ADAM20: variants seen among roughly 807,000 people sequenced by gnomAD.
ADAM20 encodes the protein disintegrin and metalloproteinase domain-containing protein 20.
For synonymous variants in ADAM20, 305 were observed against 310.2 expected (o/e 0.98, Z 0.18); for missense variants, 871 against 883.2 (o/e 0.99, Z 0.18).
the ADAM20 span, among the ~76,000 whole-genome samples, chr14:70,572,651 C>G: frequency 2.0e-5 from 3 of 152,054 alleles, no homozygotes; most frequent in African/African-American, 7.2e-5. Context: ...AGTTTCAACA[C>G]AGTAAACAGC....
the ADAM20 span, among the ~76,000 whole-genome samples, chr14:70,569,362 C>T: frequency 6.6e-6 from 1 of 152,122 alleles, no homozygotes; most frequent in Non-Finnish European, 1.5e-5. Context: ...AACAATTACA[C>T]AATTGAGACT....
chr14:70,523,422 C>T lies in ADAM20; in HGVS notation c.1336G>A (p.Ala446Thr), dbSNP rs1566654996. ...TTGCAACATATTCCAAAAGCACAAG[C>T]AGCCCCAGGATGTAGAGTACAGTTT... is the stretch of plus-strand genomic sequence containing the variant. ...LLNCTLHPGA[A>T]CAFGICCKDC... Residue 446 changes from alanine to threonine, a missense_variant, in exon 2 of 2, where the codon GCT becomes ACT. Ala to Thr is a moderately conservative substitution (Grantham distance 58). Transcript: ENST00000256389. The T allele has an allele frequency of 6.8e-6, 11 of 1,614,054 alleles. No individual in the cohort carries two copies. Among genetic ancestry groups the T allele is most frequent in the Non-Finnish European group, 9.3e-6 (11 of 1,179,964 alleles).
the ADAM20 span, among the ~76,000 whole-genome samples, chr14:70,544,677 T>C: frequency 6.6e-6 from 1 of 152,088 alleles, no homozygotes; most frequent in African/African-American, 2.4e-5. Context: ...AATTTCAAAA[T>C]AGCTAGAAAT....
the ADAM20 span, among the ~76,000 whole-genome samples, chr14:70,573,911 C>T: frequency 1.3e-5 from 2 of 152,092 alleles, no homozygotes; most frequent in Non-Finnish European, 2.9e-5. Flanking sequence ...AAAGTAGATA[C>T]CAATACAATA....
chr14:70,558,928 G>GTT, the ADAM20 span, among the ~76,000 whole-genome samples: 2 of 152,008 alleles, frequency 1.3e-5, no homozygotes, highest in African/African-American at 4.8e-5. Context: ...AACACTAAGT[G>GTT]TTGTTAGAGT....
the ADAM20 span, among the ~76,000 whole-genome samples, chr14:70,563,937 C>A: frequency 6.6e-6 from 1 of 152,204 alleles, no homozygotes; most frequent in African/African-American, 2.4e-5. Context: ...ATACAAAGAG[C>A]AAACTTAATT....
At chr14:70,579,000 T>C in the ADAM20 span, among the ~76,000 whole-genome samples, 1 of 152,174 alleles carries the variant, frequency 6.6e-6, no homozygotes, top group Admixed American at 6.5e-5. Flanking sequence ...GCTTTCATGT[T>C]GCTGCAAAGG....
chr14:70,564,271 G>C, the ADAM20 span, among the ~76,000 whole-genome samples: 1 of 152,184 alleles, frequency 6.6e-6, no homozygotes, highest in Admixed American at 6.5e-5. Context: ...AAAACAAACT[G>C]AGCTTTGTCC....
the ADAM20 span, among the ~76,000 whole-genome samples, chr14:70,558,025 A>C: frequency 1.3e-5 from 2 of 152,234 alleles, no homozygotes; most frequent in Admixed American, 1.3e-4. Flanking sequence ...GAAATCCTGG[A>C]ATGTGTTCCA....
At chr14:70,570,112 C>A in the ADAM20 span, among the ~76,000 whole-genome samples, 2 of 151,178 alleles carry the variant, frequency 1.3e-5, no homozygotes, top group African/African-American at 4.9e-5. Flanking sequence ...TCTTCTTGGA[C>A]AATACACCCA....
chr14:70,557,750 CAT>C, the ADAM20 span, among the ~76,000 whole-genome samples: 1 of 134,424 alleles, frequency 7.4e-6, no homozygotes. Context: ...TTTCTTAAAA[CAT>C]TTTTTTTTTT....
At chr14:70,566,192 G>A in the ADAM20 span, among the ~76,000 whole-genome samples, 34 of 152,286 alleles carry the variant, frequency 2.2e-4, no homozygotes, top group East Asian at 6.6e-3. Flanking sequence ...TGTAAAGTAT[G>A]TAAGTCACTT....
At position 70,522,626 on chromosome 14, in the gene ADAM20, T is replaced by C. The variant is rs778464321; in HGVS notation, c.2132A>G (p.His711Arg). ...TTTTGTGCGTTTCTTAAAAAGCACA[T>C]GTAAGCAAAATAATAAAAAAGCAAC... ...PLVAFLLFCL[H>R]VLFKKRTKSK... is the part of the protein sequence containing the mutation. The change falls in exon 2 of 2, where the codon CAT (histidine) becomes CGT (arginine). Residue 711 changes from histidine to arginine, a missense_variant. His to Arg is a conservative substitution (Grantham distance 29). Coordinates refer to ENST00000256389, the MANE Select transcript of ADAM20 (RefSeq NM_003814.5). The C allele has an allele frequency of 2.5e-6, 4 of 1,613,644 alleles. No individual in the cohort carries two copies. In the East Asian group the frequency reaches 6.7e-5, roughly 27 times the overall value.
chr14:70,577,183 TTAC>T, the ADAM20 span, among the ~76,000 whole-genome samples: 1 of 152,170 alleles, frequency 6.6e-6, no homozygotes, highest in African/African-American at 2.4e-5. Flanking sequence ...AAAGAGAATA[TTAC>T]AGGCTAATCT....
In ADAM20 at chr14:70,524,125, C is replaced by T. The variant is rs1393894425; in HGVS notation, c.633G>A (p.Leu211=). The T allele has an allele frequency of 1.2e-6, 2 of 1,613,856 alleles. No homozygotes were observed. The highest frequency in any genetic ancestry group is 1.7e-5 in the Admixed American group (1 of 59,952). Residue 211 remains leucine (L), a synonymous_variant, in exon 2 of 2, where the codon CTG becomes CTA. Transcript: ENST00000256389. The stretch of plus-strand genomic sequence containing the variant: ...ATCTAATATTATCCACGACCACTAC[C>T]AGCTCAACAAACCGCTGATGGGTCC... ...GWWTHQRFVE[L]VVVVDNIRYL...
At chr14:70,562,117 T>C in the ADAM20 span, among the ~76,000 whole-genome samples, 1 of 152,222 alleles carries the variant, frequency 6.6e-6, no homozygotes, top group Non-Finnish European at 1.5e-5. Context: ...GGAGGAGGGC[T>C]GTACCCTGCA....
chr14:70,559,863 G>A, the ADAM20 span, among the ~76,000 whole-genome samples: 1 of 152,166 alleles, frequency 6.6e-6, no homozygotes, highest in Non-Finnish European at 1.5e-5. Context: ...AGGGATGGAT[G>A]ATCCATGAAG....
At chr14:70,567,536 T>G in the ADAM20 span, among the ~76,000 whole-genome samples, 1 of 152,206 alleles carries the variant, frequency 6.6e-6, no homozygotes, top group African/African-American at 2.4e-5. Context: ...CAGCAGAGGT[T>G]CTTCCCACTG....
upstream of ADAM20, among the ~76,000 whole-genome samples, chr14:70,538,410 T>C (rs1883879682): frequency 3.3e-5 from 5 of 152,230 alleles, no homozygotes; most frequent in South Asian, 1.0e-3. Flanking sequence ...GATATTTATA[T>C]AATTCTAACT....
Sources: allele counts gnomAD v4.1 joint callset (sites outside exome capture counted in the v4.1 genomes callset), GRCh38; gene constraint gnomAD v4.1.1; transcripts MANE v1.5; gene names NCBI Gene and HGNC (gene_info 2026-07-23, HGNC 2026-07-21).